Variants in FAR2 observed in about 807,000 individuals in gnomAD.
FAR2 encodes the protein epididymis secretory protein Li 81.
Under a neutral mutation model 56.0 loss-of-function variants are expected in FAR2, and 19 were observed. That is an observed-to-expected ratio of 0.34 (90% CI 0.24 to 0.50). The LOEUF (loss-of-function observed/expected upper bound fraction) is 0.50. Ranked by LOEUF, FAR2 falls within the 20% of genes least tolerant of loss-of-function variation. The pLI, the probability that FAR2 is intolerant of heterozygous loss-of-function variation, is 0.98. For missense variants in FAR2, 508 were observed against 642.2 expected, an observed-to-expected ratio of 0.79 and a Z score of 2.26; for synonymous variants, 219 against 218.8, an observed-to-expected ratio of 1.00 and a Z score of -0.01.
chr12:29,154,208 A>G (rs1222251675), intron 1 of FAR2, among the ~76,000 whole-genome samples: 1 of 152,144 alleles, frequency 6.6e-6, no homozygotes. Flanking sequence ...TCTCCGAAAT[A>G]ATTATTCCAA....
chr12:29,216,813 A>C (rs1947626896), intron 1 of FAR2, among the ~76,000 whole-genome samples: 1 of 152,244 alleles, frequency 6.6e-6, no homozygotes, highest in African/African-American at 2.4e-5. Context: ...CCATAATGTC[A>C]AATTATTAAA....
At chr12:29,321,629 T>A (rs1260464165) in intron 9 of FAR2, among the ~76,000 whole-genome samples, 166 bp from the exon 10 acceptor site, 1 of 152,118 alleles carries the variant, frequency 6.6e-6, no homozygotes, top group East Asian at 1.9e-4. Context: ...TTCTGTTGAA[T>A]GAATAGAGAG....
At chr12:29,159,588 A>T (rs1949762680) in intron 1 of FAR2, among the ~76,000 whole-genome samples, 1 of 151,564 alleles carries the variant, frequency 6.6e-6, no homozygotes, top group Non-Finnish European at 1.5e-5. Flanking sequence ...TTCCATAGGG[A>T]AGATCATGAA....
At chr12:29,327,551 CAG>C (rs1227786529) in intron 10 of FAR2, among the ~76,000 whole-genome samples, 1 of 152,190 alleles carries the variant, frequency 6.6e-6, no homozygotes, top group African/African-American at 2.4e-5. Flanking sequence ...GGCACCAAAA[CAG>C]AGATAGAGAC....
At chr12:29,271,368 T>C (rs2136708349) in intron 2 of FAR2, among the ~76,000 whole-genome samples, 1 of 152,298 alleles carries the variant, frequency 6.6e-6, no homozygotes, top group African/African-American at 2.4e-5. Flanking sequence ...CCTCTTAACC[T>C]TCAGATTTTA....
chr12:29,284,881 G>A (rs544168464), intron 2 of FAR2, among the ~76,000 whole-genome samples: 39 of 151,322 alleles, frequency 2.6e-4, no homozygotes, highest in Admixed American at 1.3e-3. Context: ...TCGCTCTGTC[G>A]CCCAGGCTGG....
chr12:29,247,599 T>C (rs1468691696), intron 1 of FAR2, among the ~76,000 whole-genome samples: 1 of 152,210 alleles, frequency 6.6e-6, no homozygotes, highest in Non-Finnish European at 1.5e-5. Flanking sequence ...TTTCCTTGGT[T>C]GAATAACACA....
chr12:29,188,485 G>A (rs542000338), intron 1 of FAR2, among the ~76,000 whole-genome samples: 1 of 151,852 alleles, frequency 6.6e-6, no homozygotes, highest in African/African-American at 2.4e-5. Context: ...GATAATTTGG[G>A]GATAATTTTA....
At chr12:29,154,592 G>A (rs529611532) in intron 1 of FAR2, among the ~76,000 whole-genome samples, 135 of 151,950 alleles carry the variant, frequency 8.9e-4, no homozygotes, top group African/African-American at 3.1e-3. Context: ...CCACCACCAC[G>A]CCTGGCTAAT....
At chr12:29,191,636 G>A (rs1032837324) in intron 1 of FAR2, among the ~76,000 whole-genome samples, 35 of 152,220 alleles carry the variant, frequency 2.3e-4, no homozygotes, top group Admixed American at 2.2e-3. Flanking sequence ...TGTATACTCT[G>A]AGGATGGTTA....
chr12:29,205,325 A>G (rs1025116071), intron 1 of FAR2, among the ~76,000 whole-genome samples: 1 of 152,226 alleles, frequency 6.6e-6, no homozygotes, highest in East Asian at 1.9e-4. Context: ...GCATTATTTT[A>G]TCTAGTCTCA....
At chr12:29,327,800 C>T (rs1190120489) in intron 10 of FAR2, among the ~76,000 whole-genome samples, 3 of 152,162 alleles carry the variant, frequency 2.0e-5, no homozygotes, top group Middle Eastern at 3.4e-3. Context: ...CCATAAAAAC[C>T]CTAGAAGAAA....
intron 10 of FAR2, among the ~76,000 whole-genome samples, chr12:29,322,222 A>G (rs1949563905): frequency 6.6e-6 from 1 of 152,184 alleles, no homozygotes; most frequent in Non-Finnish European, 1.5e-5. Flanking sequence ...TATCATTTCT[A>G]CAAACCCTCA....
rs565610876 is a variant in FAR2, at chr12:29,199,612, A to T, written c.-39+50205A>T. ...GAGACCCCGTCTCAAAAAAAAAAAA[A>T]AAAGAAAGAAAAGAAACAAACAAAC... is the stretch of plus-strand genomic sequence containing the variant. On this transcript the variant is annotated intron_variant, in intron 1 of 11. Transcript: ENST00000536681. 8.8e-3 allele frequency among the ~76,000 whole-genome samples: 775 copies of T among 87,752 alleles called. 20 individuals carry two copies. The highest frequency in any genetic ancestry group is 0.022 in the African/African-American group (741 of 33,308). 57.6% of individuals were successfully genotyped at this position (87,752 alleles called of 152,430 possible). A position where few individuals can be genotyped will look rare whatever the true frequency, so the allele number is the denominator to read the frequency against.
At position 29,253,271 on chromosome 12, in the gene FAR2, C is replaced by CGA. The variant is rs1416997228; in HGVS notation, c.-38-17141_-38-17140insGA. On this transcript the variant is annotated intron_variant, in intron 1 of 11. Coordinates refer to ENST00000536681, the MANE Select transcript of FAR2 (RefSeq NM_001271783.2). ...TATCGATATCTATCTAGATAGATAT[C>CGA]TATATATCGATATCTATATCTATCT... Among the ~76,000 whole-genome samples the CGA allele has an allele frequency of 2.4e-3, 74 of 30,762 alleles. 6 individuals carry two copies. The highest frequency in any genetic ancestry group is 0.053 in the Middle Eastern group (2 of 38). The allele number at this position is 30,762 out of a possible 152,430, so 20.2% of individuals were successfully genotyped here.
chr12:29,284,182 T>C (rs1948832984), intron 2 of FAR2, among the ~76,000 whole-genome samples: 1 of 152,214 alleles, frequency 6.6e-6, no homozygotes, highest in Admixed American at 6.5e-5. Context: ...GTGATGTAGC[T>C]ACTTAGGAAT....
At chr12:29,257,462 C>T (rs7303724) in intron 1 of FAR2, among the ~76,000 whole-genome samples, 5,390 of 152,216 alleles carry the variant, frequency 0.035, 308 homozygotes, top group African/African-American at 0.12. Context: ...GCAGGCTGCC[C>T]AAGCCAGCAG....
rs117516497 is a variant in FAR2 at position 29,270,423 on chromosome 12, A to G, written c.-27A>G. On this transcript the variant is annotated 5_prime_UTR_variant, in exon 2 of 12. Coordinates refer to ENST00000536681, the MANE Select transcript of FAR2 (RefSeq NM_001271783.2). ...CTCTTCCTTTTCAGGAACCTCTTTC[A>G]GGAGCTATAAAAGAAAGGGAGGAAT... 2.4e-4 allele frequency: 364 copies of G among 1,504,434 alleles called. 2 individuals carry two copies. The East Asian group carries it at 6.1e-3, about 25-fold the overall frequency. The allele number at this position is 1,504,434 out of a possible 1,614,324, so 93.2% of individuals were successfully genotyped here. A position where few individuals can be genotyped will look rare whatever the true frequency, so the allele number is the denominator to read the frequency against.
chr12:29,165,695 A>T (rs1351501551), intron 1 of FAR2, among the ~76,000 whole-genome samples: 1 of 152,174 alleles, frequency 6.6e-6, no homozygotes, highest in Admixed American at 6.5e-5. Flanking sequence ...TCAAGAACAG[A>T]GTGTCTTTGT....
Sources: allele counts gnomAD v4.1 joint callset (sites outside exome capture counted in the v4.1 genomes callset), GRCh38; gene constraint gnomAD v4.1.1; transcripts MANE v1.5; gene names NCBI Gene and HGNC (gene_info 2026-07-23, HGNC 2026-07-21).